GLIPR1L2: variants seen among roughly 807,000 people sequenced by gnomAD.
GLIPR1L2 encodes GLIPR1-like protein 2.
A neutral mutation model predicts 28.4 loss-of-function variants in GLIPR1L2; 21 were observed. That is an observed-to-expected ratio of 0.74 (90% CI 0.52 to 1.06). The LOEUF (loss-of-function observed/expected upper bound fraction) is 1.06, where lower values mean the gene tolerates loss of function less well. Ranked by LOEUF, GLIPR1L2 falls within the 50% of genes least tolerant of loss-of-function variation. The pLI is 0.00. For synonymous variants in GLIPR1L2, 145 were observed against 139.3 expected (o/e 1.04, Z -0.29); for missense variants, 476 against 416.9 (o/e 1.14, Z -1.23).
rs1196640311 is a variant in GLIPR1L2 at position 75,432,395 on chromosome 12, A to T, written c.*1234A>T. 1.3e-5 allele frequency: 2 copies of T among 152,186 alleles called. No individual in the cohort carries two copies. Among genetic ancestry groups the T allele is most frequent in the African/African-American group, 2.4e-5 (1 of 41,462 alleles). The allele number at this position is 152,186 out of a possible 1,614,324, so 9.4% of individuals were successfully genotyped here. ...GAGGCTTAATAAACCTGAAGGTTTA[A>T]GTGAAAGAAATGACATTGAAAGAAT... On this transcript the variant is annotated 3_prime_UTR_variant, in exon 6 of 6. Coordinates refer to ENST00000550916, the MANE Select transcript of GLIPR1L2 (RefSeq NM_001270396.2).
At chr12:75,413,555 TTTAAAA>T in intron 2 of GLIPR1L2, 37 bp from the exon 3 acceptor site, 1 of 1,101,194 alleles carries the variant, frequency 9.1e-7, no homozygotes, top group Non-Finnish European at 1.3e-6. Context: ...AAAGTCAATG[TTTAAAA>T]TTAAATTTTG....
chr12:75,429,938 C>CTTTTTTTTTTTTTTTTTT (rs34354324), intron 4 of GLIPR1L2, among the ~76,000 whole-genome samples: 10 of 128,644 alleles, frequency 7.8e-5, no homozygotes, highest in East Asian at 2.2e-4. Flanking sequence ...TCTTTTCTTT[C>CTTTTTTTTTTTTTTTTTT]TTTTTTTTTT....
intron 1 of GLIPR1L2, among the ~76,000 whole-genome samples, chr12:75,398,955 T>C (rs1305120120): frequency 6.6e-6 from 1 of 152,212 alleles, no homozygotes; most frequent in Non-Finnish European, 1.5e-5. Flanking sequence ...GTGGAATTTA[T>C]CATGTTACTT....
At chr12:75,405,218 T>C (rs1404718270) in intron 1 of GLIPR1L2, among the ~76,000 whole-genome samples, 1 of 152,138 alleles carries the variant, frequency 6.6e-6, no homozygotes, top group Non-Finnish European at 1.5e-5. Flanking sequence ...ATAAAATGAC[T>C]GGTCAAGATG....
intron 4 of GLIPR1L2, among the ~76,000 whole-genome samples, chr12:75,428,714 G>A (rs548320083): frequency 7.9e-5 from 12 of 152,214 alleles, no homozygotes; most frequent in Non-Finnish European, 1.8e-4. Context: ...GCCAGGCCCA[G>A]TCCCCGCTGC....
Position 75,391,650 on chromosome 12 carries a change from A to C in GLIPR1L2, c.234+300A>C, listed in dbSNP as rs925391117. ...TGATATTTTAATGCAACGGGTTTTT[A>C]AAAATTAAAAATCAGTGCAAAAATA... On this transcript the variant is annotated intron_variant, in intron 1 of 5. Coordinates refer to ENST00000550916, the MANE Select transcript of GLIPR1L2 (RefSeq NM_001270396.2). The C allele has an allele frequency of 7.1e-6, 5 of 708,066 alleles. No individual in the cohort carries two copies. The Admixed American group carries it at 1.4e-4, about 20-fold the overall frequency. 43.9% of individuals were successfully genotyped at this position (708,066 alleles called of 1,614,324 possible).
intron 2 of GLIPR1L2, among the ~76,000 whole-genome samples, chr12:75,411,571 T>C (rs1692348082): frequency 6.6e-6 from 1 of 151,852 alleles, no homozygotes; most frequent in African/African-American, 2.4e-5. Flanking sequence ...CTAGCCTCTT[T>C]AATATGACTT....
intron 3 of GLIPR1L2, among the ~76,000 whole-genome samples, chr12:75,420,604 A>T (rs2045967454): frequency 6.6e-6 from 1 of 152,080 alleles, no homozygotes; most frequent in Admixed American, 6.6e-5. Context: ...AGAAAATGCA[A>T]ATTTTCTAAG....
chr12:75,424,542 C>T (rs1219330972), intron 4 of GLIPR1L2, among the ~76,000 whole-genome samples: 1 of 151,996 alleles, frequency 6.6e-6, no homozygotes, highest in Non-Finnish European at 1.5e-5. Flanking sequence ...AATTCCTGGG[C>T]TCAGGTGATC....
chr12:75,414,178 G>T (rs1181913616), intron 3 of GLIPR1L2, among the ~76,000 whole-genome samples: 3 of 151,952 alleles, frequency 2.0e-5, no homozygotes, highest in African/African-American at 7.2e-5. Context: ...AGATTGAAAA[G>T]CACTTCAAAC....
At position 75,409,261 on chromosome 12, in the gene GLIPR1L2, A is replaced by G. The variant is rs149779865; in HGVS notation, c.235-1173A>G. Among the ~76,000 whole-genome samples, 1,424 of 152,104 alleles carry G rather than the reference A, an allele frequency of 9.4e-3. 27 individuals are homozygous for G. Among genetic ancestry groups the G allele is most frequent in the African/African-American group, 0.032 (1,343 of 41,504 alleles). ...ACTCCTGCTCTAAGGAAGTATGAGT[A>G]TTGATTTTCAGATGTTTACTTTCTG... On this transcript the variant is annotated intron_variant, in intron 1 of 5. Coordinates refer to ENST00000550916, the MANE Select transcript of GLIPR1L2 (RefSeq NM_001270396.2).
chr12:75,403,665 C>G (rs1166045449), intron 1 of GLIPR1L2, among the ~76,000 whole-genome samples: 1 of 152,120 alleles, frequency 6.6e-6, no homozygotes, highest in Non-Finnish European at 1.5e-5. Flanking sequence ...TTCCCATCAT[C>G]TTTGCTCCTC....
At chr12:75,429,540 T>C (rs990354559) in intron 4 of GLIPR1L2, among the ~76,000 whole-genome samples, 1 of 152,124 alleles carries the variant, frequency 6.6e-6, no homozygotes, top group Non-Finnish European at 1.5e-5. Context: ...AGTTTAGACT[T>C]TGGGGACCCT....
intron 4 of GLIPR1L2, among the ~76,000 whole-genome samples, chr12:75,429,888 T>G (rs1015567773): frequency 1.3e-5 from 2 of 151,892 alleles, no homozygotes; most frequent in Admixed American, 1.3e-4. Flanking sequence ...CCTGCCCAGC[T>G]ATGCAGAACT....
chr12:75,421,978 A>T (rs1347859310), intron 3 of GLIPR1L2, among the ~76,000 whole-genome samples: 7 of 119,076 alleles, frequency 5.9e-5, no homozygotes. Context: ...ATTTATTTTT[A>T]AATTTTATTT....
At position 75,410,492 on chromosome 12, in the gene GLIPR1L2, C is replaced by A; in HGVS notation, c.293C>A (p.Thr98Lys). 6.2e-7 allele frequency: 1 copy of A among 1,610,008 alleles called. No individual in the cohort carries two copies. Among genetic ancestry groups the A allele is most frequent in the Non-Finnish European group, 8.5e-7 (1 of 1,177,584 alleles). The change falls in exon 2 of 6, where the codon ACG becomes AAG. Residue 98 changes from threonine (T) to lysine (K), a missense_variant. Thr to Lys is a moderately conservative substitution (Grantham distance 78). Coordinates refer to ENST00000550916, the MANE Select transcript of GLIPR1L2 (RefSeq NM_001270396.2). ...ARAWGKKCLF[T>K]HNIYLQDVQM... ...GCATGGGGAAAAAAATGTTTGTTTA[C>A]GCATAATATTTATTTACAAGATGTA... is the stretch of plus-strand genomic sequence containing the variant.
At chr12:75,408,091 G>T (rs1353373166) in intron 1 of GLIPR1L2, among the ~76,000 whole-genome samples, 1 of 151,940 alleles carries the variant, frequency 6.6e-6, no homozygotes, top group Non-Finnish European at 1.5e-5. Flanking sequence ...AGCTTTTCTA[G>T]CTAAACAAAG....
At chr12:75,402,618 A>G (rs1594005810) in intron 1 of GLIPR1L2, among the ~76,000 whole-genome samples, 1 of 152,342 alleles carries the variant, frequency 6.6e-6, no homozygotes, top group Non-Finnish European at 1.5e-5. Flanking sequence ...AGTGTTATGT[A>G]TATTTTGACG....
chr12:75,422,996 TAAAGA>T lies in GLIPR1L2; in HGVS notation c.670+11_670+15del, dbSNP rs776494263. On this transcript the variant is annotated splice_region_variant and intron_variant, in intron 4 of 5. Coordinates refer to ENST00000550916, the MANE Select transcript of GLIPR1L2 (RefSeq NM_001270396.2). The stretch of plus-strand genomic sequence containing the variant: ...TGCACAGATTTTCTATGCAGTAAGA[TAAAGA>T]AAATAAACATGAAAAAAATGCATAA... 8.8e-5 allele frequency: 142 copies of T among 1,610,364 alleles called. 1 individual carries two copies. The highest frequency in any genetic ancestry group is 1.2e-4 in the Non-Finnish European group (137 of 1,177,884).
Sources: allele counts gnomAD v4.1 joint callset (sites outside exome capture counted in the v4.1 genomes callset), GRCh38; gene constraint gnomAD v4.1.1; transcripts MANE v1.5; gene names NCBI Gene and HGNC (gene_info 2026-07-23, HGNC 2026-07-21).